Variants in COL3A1 observed in about 807,000 individuals in gnomAD.
COL3A1 encodes collagen type III alpha 1 chain.
A neutral mutation model predicts 200.9 loss-of-function variants in COL3A1; 46 were observed. The observed-to-expected ratio is 0.23, with a 90% CI of 0.18 to 0.29. COL3A1 has a LOEUF of 0.29. Among genes scored for constraint, COL3A1 ranks in the 10% least tolerant of loss-of-function variants. COL3A1 has a pLI of 1.00. For missense variants in COL3A1, 1,367 were observed against 1,917.6 expected, an observed-to-expected ratio of 0.71 and a Z score of 5.36; for synonymous variants, 650 against 628.0, an observed-to-expected ratio of 1.03 and a Z score of -0.52.
chr2:189,009,292 C>A, intron 48 of COL3A1, 71 bp downstream of exon 48: 1 of 1,544,630 alleles, frequency 6.5e-7, no homozygotes, highest in South Asian at 1.2e-5. Context: ...AGAATGGGAA[C>A]GAAAAAACAT....
intron 21 of COL3A1, among the ~76,000 whole-genome samples, chr2:188,995,361 C>T (rs1369507939): frequency 2.0e-5 from 3 of 152,156 alleles, no homozygotes; most frequent in Non-Finnish European, 4.4e-5. Flanking sequence ...GTACAGTAAA[C>T]TAAAATGCCT....
chr2:188,992,977 C>A, intron 15 of COL3A1, 37 bp downstream of exon 15: 1 of 1,592,554 alleles, frequency 6.3e-7, no homozygotes, highest in Non-Finnish European at 8.6e-7. Context: ...ATAAAAATAT[C>A]TTGGAGGCAA....
chr2:188,987,617 G>GAT (rs1184702966), intron 5 of COL3A1, among the ~76,000 whole-genome samples: 1 of 152,010 alleles, frequency 6.6e-6, no homozygotes, highest in Non-Finnish European at 1.5e-5. Flanking sequence ...CTCTGTGATA[G>GAT]ATATATCAAC....
intron 29 of COL3A1, 53 bp from the exon 30 acceptor site, chr2:188,999,230 CTT>C: frequency 6.7e-7 from 1 of 1,481,778 alleles, no homozygotes; most frequent in Non-Finnish European, 9.2e-7. Flanking sequence ...AGTTAAGGTG[CTT>C]TGTTTTTAGC....
chr2:188,994,055 T>C lies in COL3A1; in HGVS notation c.1167T>C (p.Asn389=). The C allele has an allele frequency of 6.2e-7, 1 of 1,614,178 alleles. No individual in the cohort carries two copies. The highest frequency in any genetic ancestry group is 8.5e-7 in the Non-Finnish European group (1 of 1,179,986). Residue 389 remains asparagine (N), a synonymous_variant, in exon 17 of 51, where the codon AAT becomes AAC. Coordinates refer to ENST00000304636, the MANE Select transcript of COL3A1 (RefSeq NM_000090.4). This position sits in a 1 kb window ranked among gnomAD's most constrained non-coding sequence, Gnocchi z 4.5. ...ATACTTAGGGCCCTCCTGGGATTAA[T>C]GGTAGTCCTGGTGGTAAAGGCGAAA... ...AQGPPGPPGI[N]GSPGGKGEMG...
chr2:188,983,179 T>C (rs923426578), intron 1 of COL3A1, among the ~76,000 whole-genome samples: 13 of 151,908 alleles, frequency 8.6e-5, no homozygotes, highest in African/African-American at 3.1e-4. Flanking sequence ...GTTTCAGACA[T>C]AGGGGAGGAA....
At chr2:188,974,617 TCTC>T (rs767582751) in intron 1 of COL3A1, 49 bp downstream of exon 1, 4 of 1,483,818 alleles carry the variant, frequency 2.7e-6, no homozygotes, top group Middle Eastern at 1.7e-4. Flanking sequence ...TTGTCTTTCT[TCTC>T]CTCACAAAGA....
intron 23 of COL3A1, 108 bp downstream of exon 23, chr2:188,996,286 A>G (rs1275832576): frequency 3.7e-6 from 3 of 813,344 alleles, no homozygotes; most frequent in African/African-American, 4.6e-5. Flanking sequence ...ATATATATGT[A>G]TATGTATATC....
intron 45 of COL3A1, 137 bp downstream of exon 45, chr2:189,007,744 A>G (rs1286003555): frequency 2.4e-6 from 3 of 1,248,978 alleles, no homozygotes; most frequent in Non-Finnish European, 3.5e-6. Context: ...TGAAACAACA[A>G]TCAGCATGAC....
intron 24 of COL3A1, among the ~76,000 whole-genome samples, 170 bp from the exon 25 acceptor site, chr2:188,996,995 A>T (rs1688338489): frequency 6.9e-6 from 1 of 145,460 alleles, no homozygotes; most frequent in African/African-American, 2.6e-5. Flanking sequence ...TCTCAAAAAT[A>T]TGTATGTGTG....
intron 1 of COL3A1, among the ~76,000 whole-genome samples, chr2:188,983,303 G>T (rs375797616): frequency 2.6e-5 from 4 of 151,866 alleles, no homozygotes; most frequent in African/African-American, 9.7e-5. Context: ...ACATAAAAAA[G>T]AATGGATTTT....
intron 11 of COL3A1, 49 bp from the exon 12 acceptor site, chr2:188,991,438 T>C: frequency 8.1e-7 from 1 of 1,232,652 alleles, no homozygotes; most frequent in South Asian, 1.4e-5. Flanking sequence ...AAATATATAA[T>C]ATTTTCTTCC....
At chr2:188,996,331 C>T (rs563124207) in intron 23 of COL3A1, 67 bp from the exon 24 acceptor site, 1 of 1,133,036 alleles carries the variant, frequency 8.8e-7, no homozygotes, top group Non-Finnish European at 1.3e-6. Context: ...CACACACATA[C>T]TATATATATA....
chr2:188,978,176 A>G (rs557154552), intron 1 of COL3A1: 8 of 215,226 alleles, frequency 3.7e-5, no homozygotes, highest in Non-Finnish European at 8.6e-5. Context: ...TATTTTTATT[A>G]AATTCTGGAA....
chr2:188,994,665 A>T lies in COL3A1; in HGVS notation c.1348-59A>T. 1.2e-6 allele frequency: 2 copies of T among 1,612,920 alleles called. No homozygotes were observed. The highest frequency in any genetic ancestry group is 1.7e-6 in the Non-Finnish European group (2 of 1,179,086). The stretch of plus-strand genomic sequence containing the variant: ...ACATAATTAGAAAGTAAACAGGTAA[A>T]AACTTTGAACTAAATTCAGTCATAA... On this transcript the variant is annotated intron_variant, in intron 19 of 50. Coordinates refer to ENST00000304636, the MANE Select transcript of COL3A1 (RefSeq NM_000090.4). The surrounding 1 kb of genome is among the most constrained non-coding windows in gnomAD (Gnocchi z 4.5).
Position 188,988,595 on chromosome 2 carries a change from T to A in COL3A1, c.588T>A (p.Ser196=). 1 of 1,603,106 alleles carries A rather than the reference T, an allele frequency of 6.2e-7. No individual in the cohort carries two copies. Among genetic ancestry groups the A allele is most frequent in the Non-Finnish European group, 8.5e-7 (1 of 1,170,900 alleles). The change falls in exon 7 of 51, where the codon TCT becomes TCA. Residue 196 remains serine, a synonymous_variant. Transcript: ENST00000304636. The stretch of plus-strand genomic sequence containing the variant: ...TTACATATTCTACTCACTAGGGATC[T>A]CCAGGATACCAAGGACCCCCTGGTG... The part of the protein sequence containing the change: ...GTSGHPGSPG[S]PGYQGPPGEP...
At chr2:189,008,371 G>A in intron 47 of COL3A1, 2 of 554,662 alleles carry the variant, frequency 3.6e-6, no homozygotes, top group Non-Finnish European at 6.4e-6. Flanking sequence ...CATCGTATCA[G>A]AATAATGACA....
chr2:188,997,059 CATATATATATGAGACATAT>C, intron 24 of COL3A1, 87 bp from the exon 25 acceptor site: 1 of 737,750 alleles, frequency 1.4e-6, no homozygotes, highest in African/African-American at 1.8e-5. Flanking sequence ...ATATATGAGA[CATATATATATGAGACATAT>C]ATATATGAGA....
chr2:188,999,889 C>T lies in COL3A1; in HGVS notation c.2277C>T (p.Gly759=), dbSNP rs763343051. ...PGADGVPGKD[G]PRGPTGPIGP... The stretch of plus-strand genomic sequence containing the variant: ...CTGATGGTGTCCCAGGGAAAGATGG[C>T]CCAAGGGTGAGTATTCCCAGTGAGG... The change falls in exon 32 of 51, where the codon GGC becomes GGT. Residue 759 remains glycine, a synonymous_variant. Coordinates refer to ENST00000304636, the MANE Select transcript of COL3A1 (RefSeq NM_000090.4). The T allele has an allele frequency of 2.6e-5, 42 of 1,590,202 alleles. No homozygotes were observed. In the South Asian group the frequency reaches 4.7e-4, roughly 18 times the overall value.
Sources: allele counts gnomAD v4.1 joint callset (sites outside exome capture counted in the v4.1 genomes callset), GRCh38; gene constraint gnomAD v4.1.1; non-coding constraint Gnocchi (gnomAD v3.1); transcripts MANE v1.5; gene names NCBI Gene and HGNC (gene_info 2026-07-23, HGNC 2026-07-21).